Variants in CDK17 observed in about 807,000 individuals in gnomAD.
CDK17 encodes cyclin dependent kinase 17, also known as cyclin-dependent kinase 17.
In CDK17, 24 loss-of-function variants were observed where a neutral mutation model predicts 77.6. That is an observed-to-expected ratio of 0.31 (90% CI 0.22 to 0.44). CDK17 has a LOEUF of 0.44. Ranked by LOEUF, CDK17 falls within the 20% of genes least tolerant of loss-of-function variation. CDK17 has a pLI of 1.00. For synonymous variants in CDK17, 203 were observed against 210.4 expected (o/e 0.96, Z 0.30); for missense variants, 429 against 622.5 (o/e 0.69, Z 3.31).
At chr12:96,328,728 G>A (rs959033297) in intron 2 of CDK17, among the ~76,000 whole-genome samples, 2 of 152,138 alleles carry the variant, frequency 1.3e-5, no homozygotes, top group African/African-American at 2.4e-5. Context: ...CATCCATGTG[G>A]AGAAGACAAG....
intron 14 of CDK17, 113 bp downstream of exon 14, chr12:96,283,486 CATAG>C (rs1422985138): frequency 1.5e-6 from 1 of 686,786 alleles, no homozygotes; most frequent in African/African-American, 1.9e-5. Context: ...GTGCCTTAAG[CATAG>C]ATAATTTTAT....
At chr12:96,300,222 G>T in intron 6 of CDK17, 82 bp downstream of exon 6, 2 of 932,780 alleles carry the variant, frequency 2.1e-6, no homozygotes, top group Non-Finnish European at 3.4e-6. Context: ...TTTTTTCCAG[G>T]TTAACAAAAA....
intron 9 of CDK17, 55 bp downstream of exon 9, chr12:96,297,215 T>C (rs1203951707): frequency 1.8e-6 from 2 of 1,088,680 alleles, no homozygotes; most frequent in African/African-American, 1.6e-5. Context: ...CATTATATAA[T>C]GGTTCACCTA....
chr12:96,346,523 G>A (rs1953213587), intron 1 of CDK17, among the ~76,000 whole-genome samples: 1 of 152,192 alleles, frequency 6.6e-6, no homozygotes, highest in East Asian at 1.9e-4. Context: ...AGCTATTCAG[G>A]AGGCTGAGGC....
intron 1 of CDK17, among the ~76,000 whole-genome samples, chr12:96,375,599 C>T (rs1374986324): frequency 6.7e-6 from 1 of 149,932 alleles, no homozygotes; most frequent in Non-Finnish European, 1.5e-5. Flanking sequence ...ACTGCAACCT[C>T]CGCATCCTGG....
At chr12:96,357,953 A>G (rs1167956449) in intron 1 of CDK17, among the ~76,000 whole-genome samples, 1 of 152,194 alleles carries the variant, frequency 6.6e-6, no homozygotes, top group Non-Finnish European at 1.5e-5. Flanking sequence ...TAGGTAACAA[A>G]TTACGGTAAT....
intron 1 of CDK17, among the ~76,000 whole-genome samples, chr12:96,389,177 G>A (rs1200723715): frequency 6.8e-6 from 1 of 147,186 alleles, no homozygotes; most frequent in Admixed American, 6.8e-5. Flanking sequence ...GTCTCCCTAT[G>A]TTGCCCAGGC....
intron 10 of CDK17, among the ~76,000 whole-genome samples, 174 bp from the exon 11 acceptor site, chr12:96,289,461 G>A (rs1411262471): frequency 6.6e-6 from 1 of 152,120 alleles, no homozygotes; most frequent in Non-Finnish European, 1.5e-5. Flanking sequence ...CCCTAAGTAA[G>A]CAAATCCTTA....
rs566308635 is a variant in CDK17 at position 96,399,863 on chromosome 12, G to A, written c.-30+123C>T. 6.4e-4 allele frequency: 173 copies of A among 269,182 alleles called. 2 individuals carry two copies. In the South Asian group the frequency reaches 0.027, roughly 41 times the overall value. 16.7% of individuals were successfully genotyped at this position (269,182 alleles called of 1,614,324 possible). ...CGCCTCCTCGCTCAACTTCCCGACC[G>A]GGCCTGAGCCACCCGCGCCCCCAGT... On this transcript the variant is annotated intron_variant, in intron 1 of 16. Coordinates refer to ENST00000261211, the MANE Select transcript of CDK17 (RefSeq NM_002595.5).
chr12:96,397,100 T>G (rs1954182818), intron 1 of CDK17, among the ~76,000 whole-genome samples: 1 of 152,100 alleles, frequency 6.6e-6, no homozygotes, highest in Non-Finnish European at 1.5e-5. Flanking sequence ...AGGAAAATAT[T>G]GCTGAAAATA....
intron 13 of CDK17, 63 bp from the exon 14 acceptor site, chr12:96,283,708 A>G: frequency 5.5e-6 from 6 of 1,086,822 alleles, no homozygotes; most frequent in Non-Finnish European, 8.3e-6. Flanking sequence ...TTTTCAGATA[A>G]AACTATTTTC....
At chr12:96,317,501 T>C (rs1242381314) in intron 3 of CDK17, among the ~76,000 whole-genome samples, 1 of 108,656 alleles carries the variant, frequency 9.2e-6, no homozygotes, top group Non-Finnish European at 1.9e-5. Flanking sequence ...AATTGTCAGA[T>C]TCACCAAAGT....
At chr12:96,370,720 T>G (rs923093513) in intron 1 of CDK17, among the ~76,000 whole-genome samples, 9 of 152,244 alleles carry the variant, frequency 5.9e-5, no homozygotes, top group Non-Finnish European at 1.3e-4. Context: ...GATGTGTGAA[T>G]CCGGCTGTTT....
chr12:96,397,192 T>C (rs1954185897), intron 1 of CDK17, among the ~76,000 whole-genome samples: 1 of 152,188 alleles, frequency 6.6e-6, no homozygotes, highest in Admixed American at 6.5e-5. Context: ...ACTGAACTGG[T>C]ATCTGAAAAC....
chr12:96,289,104 T>A, intron 11 of CDK17, 63 bp downstream of exon 11: 1 of 1,514,586 alleles, frequency 6.6e-7, no homozygotes, highest in Non-Finnish European at 9.2e-7. Flanking sequence ...TATCAATACA[T>A]CTTGCATTAA....
At chr12:96,396,656 T>C (rs1954174628) in intron 1 of CDK17, among the ~76,000 whole-genome samples, 1 of 152,218 alleles carries the variant, frequency 6.6e-6, no homozygotes, top group African/African-American at 2.4e-5. Flanking sequence ...CTATTCATCC[T>C]TCCCATGTAT....
intron 2 of CDK17, among the ~76,000 whole-genome samples, chr12:96,325,648 G>C (rs1952883746): frequency 6.6e-6 from 1 of 152,216 alleles, no homozygotes. Flanking sequence ...AGACAGACTG[G>C]AGGTAGGGGC....
At chr12:96,377,161 T>A (rs1953792637) in intron 1 of CDK17, among the ~76,000 whole-genome samples, 1 of 152,210 alleles carries the variant, frequency 6.6e-6, no homozygotes, top group South Asian at 2.1e-4. Flanking sequence ...AGGATCCAAA[T>A]TTTAAAATCC....
chr12:96,325,452 G>A (rs75503059), intron 2 of CDK17, among the ~76,000 whole-genome samples: 4 of 152,208 alleles, frequency 2.6e-5, no homozygotes, highest in Admixed American at 2.6e-4. Flanking sequence ...AAAGTGAAAG[G>A]CTTCTCTCAC....
Sources: gnomAD v4.1 joint callset for allele counts (sites outside exome capture counted in the v4.1 genomes callset) on GRCh38, gnomAD v4.1.1 for gene constraint, MANE v1.5 for transcripts, NCBI Gene and HGNC (gene_info 2026-07-23, HGNC 2026-07-21) for gene names.